CELF2: variants seen among roughly 807,000 people sequenced by gnomAD.
CELF2 encodes the protein CUGBP Elav-like family member 2.
Under a neutral mutation model 62.6 loss-of-function variants are expected in CELF2, and 8 were observed. The ratio of observed to expected loss-of-function variants is 0.13; its 90% CI spans 0.07 to 0.23. CELF2 has a LOEUF of 0.23. Among genes scored for constraint, CELF2 ranks in the 10% least tolerant of loss-of-function variants. CELF2 has a pLI of 1.00. For missense variants in CELF2, 333 were observed against 671.0 expected (o/e 0.50, Z 5.56); for synonymous variants, 258 against 250.0 (o/e 1.03, Z -0.30).
chr10:11,165,157 C>T lies in CELF2; in HGVS notation c.75-329C>T. 1 of 1,109,448 alleles carries T rather than the reference C, an allele frequency of 9.0e-7. No homozygotes were observed. The highest frequency in any genetic ancestry group is 1.1e-6 in the Non-Finnish European group (1 of 905,776). 68.7% of individuals were successfully genotyped at this position (1,109,448 alleles called of 1,614,324 possible). On this transcript the variant is annotated intron_variant, in intron 1 of 12. Transcript: ENST00000633077. This position sits in a 1 kb window ranked among gnomAD's most constrained non-coding sequence, Gnocchi z 7.4. ...AAGGCGCTGATGCGTTGATGGCAGC[C>T]TTGCAGAGCTAGACCTGCACTTAAC...
At chr10:11,042,790 A>C (rs746705352) in intron 1 of CELF2, among the ~76,000 whole-genome samples, 1 of 152,160 alleles carries the variant, frequency 6.6e-6, no homozygotes, top group Non-Finnish European at 1.5e-5. Context: ...GTAATTGTAT[A>C]ATATGTGGCC....
intron 1 of CELF2, among the ~76,000 whole-genome samples, chr10:10,821,161 G>A (rs2056928411): frequency 6.6e-6 from 1 of 152,206 alleles, no homozygotes; most frequent in African/African-American, 2.4e-5. Context: ...ATCCTGCCAG[G>A]CAACCAGGTT....
At chr10:10,544,448 C>G in the CELF2 span, among the ~76,000 whole-genome samples, 1 of 152,212 alleles carries the variant, frequency 6.6e-6, no homozygotes, top group Non-Finnish European at 1.5e-5. Flanking sequence ...CGGGTTTTCG[C>G]TCTGCGCTTC....
chr10:10,574,522 T>C, the CELF2 span, among the ~76,000 whole-genome samples: 32,243 of 152,114 alleles, frequency 0.21, 3,624 homozygotes, highest in East Asian at 0.36. Context: ...AAATTTTTAA[T>C]TCAAAGAGGT....
At chr10:10,697,429 G>C in the CELF2 span, among the ~76,000 whole-genome samples, 34 of 152,328 alleles carry the variant, frequency 2.2e-4, no homozygotes, top group Admixed American at 2.2e-3. Context: ...CAAATTGGAA[G>C]CTGGACGGAG....
the CELF2 span, among the ~76,000 whole-genome samples, chr10:10,707,265 C>T: frequency 6.6e-6 from 1 of 152,126 alleles, no homozygotes; most frequent in African/African-American, 2.4e-5. Flanking sequence ...CAGAAATTCT[C>T]CAGTTGGGAC....
At chr10:11,169,417 C>A (rs575149322) in intron 2 of CELF2, among the ~76,000 whole-genome samples, 1 of 152,298 alleles carries the variant, frequency 6.6e-6, no homozygotes, top group African/African-American at 2.4e-5. Context: ...TGAAAACAGT[C>A]TTAGGATTTC....
At chr10:10,809,662 C>T (rs1045194562) in intron 1 of CELF2, among the ~76,000 whole-genome samples, 12 of 152,090 alleles carry the variant, frequency 7.9e-5, no homozygotes, top group South Asian at 2.1e-4. Flanking sequence ...TAATGAATAT[C>T]CATTATTTAA....
chr10:10,636,373 T>G, the CELF2 span, among the ~76,000 whole-genome samples: 1 of 152,226 alleles, frequency 6.6e-6, no homozygotes, highest in South Asian at 2.1e-4. Flanking sequence ...TACCTTCTGC[T>G]GCATATATTA....
chr10:10,792,429 G>A, the CELF2 span: 1 of 398,322 alleles, frequency 2.5e-6, no homozygotes, highest in Admixed American at 4.4e-5. Flanking sequence ...ATCTCTATGA[G>A]CAGGTGTTGA....
chr10:10,923,708 A>T (rs1311690305), intron 2 of CELF2, among the ~76,000 whole-genome samples: 2 of 152,386 alleles, frequency 1.3e-5, no homozygotes, highest in East Asian at 1.9e-4. Flanking sequence ...AAATTATATT[A>T]TAAATATTAA....
chr10:10,873,069 G>A (rs966076014), intron 1 of CELF2, among the ~76,000 whole-genome samples: 1 of 151,856 alleles, frequency 6.6e-6, no homozygotes, highest in Non-Finnish European at 1.5e-5. Context: ...TCCTTTTATC[G>A]GCTTATGTAC....
At chr10:10,703,163 T>C in the CELF2 span, among the ~76,000 whole-genome samples, 1 of 152,238 alleles carries the variant, frequency 6.6e-6, no homozygotes, top group Non-Finnish European at 1.5e-5. Flanking sequence ...ACAATTGATA[T>C]TTATAGTTCT....
intron 4 of CELF2, among the ~76,000 whole-genome samples, chr10:11,253,899 C>T (rs2077893105): frequency 6.6e-6 from 1 of 152,078 alleles, no homozygotes; most frequent in Non-Finnish European, 1.5e-5. Context: ...GACTTTTACC[C>T]TTCAAGTGTT....
intron 2 of CELF2, among the ~76,000 whole-genome samples, chr10:11,210,993 C>T (rs1020722722): frequency 3.3e-5 from 5 of 152,308 alleles, no homozygotes; most frequent in Admixed American, 6.5e-5. Flanking sequence ...TTTAAAACTG[C>T]GTCAGCCATG....
rs1036429975 is a variant in CELF2 at position 11,156,056 on chromosome 10, T to C, written c.75-9430T>C. On this transcript the variant is annotated intron_variant, in intron 1 of 12. Transcript: ENST00000633077. This position sits in a 1 kb window ranked among gnomAD's most constrained non-coding sequence, Gnocchi z 4.3. ...GGCAAGCACAAAGGTCAGTGACGCC[T>C]TTGTCCTTTAGTCCAAATTAGGAAA... Among the ~76,000 whole-genome samples, 7 of 152,202 alleles carry C rather than the reference T, an allele frequency of 4.6e-5. No homozygotes were observed. The highest frequency in any genetic ancestry group is 8.8e-5 in the Non-Finnish European group (6 of 68,040).
At chr10:11,200,486 G>A (rs983892167) in intron 2 of CELF2, among the ~76,000 whole-genome samples, 1 of 152,230 alleles carries the variant, frequency 6.6e-6, no homozygotes, top group African/African-American at 2.4e-5. Flanking sequence ...ATGTGGGCAT[G>A]TGCTTATTTT....
chr10:10,620,534 G>A, the CELF2 span, among the ~76,000 whole-genome samples: 8 of 151,666 alleles, frequency 5.3e-5, no homozygotes, highest in South Asian at 2.1e-4. Context: ...TTCCTATCTG[G>A]CCCTATGCAG....
chr10:11,071,164 TG>T (rs1487423037), intron 1 of CELF2, among the ~76,000 whole-genome samples: 1 of 152,238 alleles, frequency 6.6e-6, no homozygotes, highest in Non-Finnish European at 1.5e-5. Context: ...ATGAACGACT[TG>T]AGAGCTCCTG....
Sources: allele counts gnomAD v4.1 joint callset (sites outside exome capture counted in the v4.1 genomes callset), GRCh38; gene constraint gnomAD v4.1.1; non-coding constraint Gnocchi (gnomAD v3.1); transcripts MANE v1.5; gene names NCBI Gene and HGNC (gene_info 2026-07-23, HGNC 2026-07-21).